Variants in FHIT observed in about 807,000 individuals in gnomAD.
FHIT encodes bis(5'-adenosyl)-triphosphatase.
In FHIT, 19 loss-of-function variants were observed where a neutral mutation model predicts 17.9. That is an observed-to-expected ratio of 1.06 (90% CI 0.74 to 1.56). The LOEUF (loss-of-function observed/expected upper bound fraction) is 1.56, where lower values mean the gene tolerates loss of function less well. Among genes scored for constraint, FHIT ranks in the 40% most tolerant of loss-of-function variants. The probability of loss-of-function intolerance (pLI) is 0.00; values close to 1 mark genes in which losing one functional copy is unlikely to be tolerated. For missense variants in FHIT, 248 were observed against 189.2 expected (o/e 1.31, Z -1.82); for synonymous variants, 81 against 69.7 (o/e 1.16, Z -0.81).
intron 4 of FHIT, among the ~76,000 whole-genome samples, chr3:60,545,535 C>G (rs1173640217): frequency 6.6e-6 from 1 of 152,196 alleles, no homozygotes; most frequent in Non-Finnish European, 1.5e-5. Context: ...AGCTCTATCT[C>G]TCACCTACTG....
chr3:61,033,466 G>GA (rs759001720), intron 3 of FHIT, among the ~76,000 whole-genome samples: 44 of 152,116 alleles, frequency 2.9e-4, no homozygotes, highest in African/African-American at 9.2e-4. Flanking sequence ...TGATTACAGG[G>GA]AAAAAACTAA....
chr3:60,203,046 G>A (rs555657721), intron 5 of FHIT, among the ~76,000 whole-genome samples: 5 of 151,788 alleles, frequency 3.3e-5, no homozygotes, highest in East Asian at 1.9e-4. Flanking sequence ...ACACACACAC[G>A]TGTCTGTAAA....
intron 8 of FHIT, among the ~76,000 whole-genome samples, chr3:59,776,361 T>C (rs976897947): frequency 1.3e-5 from 2 of 152,204 alleles, no homozygotes; most frequent in African/African-American, 4.8e-5. Flanking sequence ...CATCACACTC[T>C]GATTAGGGAC....
At chr3:59,770,911 C>A (rs1262153738) in intron 8 of FHIT, among the ~76,000 whole-genome samples, 1 of 152,202 alleles carries the variant, frequency 6.6e-6, no homozygotes, top group Non-Finnish European at 1.5e-5. Flanking sequence ...AGAATCAATA[C>A]AACAAATCCC....
intron 5 of FHIT, among the ~76,000 whole-genome samples, chr3:60,385,073 G>GA (rs1432605277): frequency 6.6e-6 from 1 of 152,024 alleles, no homozygotes; most frequent in Non-Finnish European, 1.5e-5. Flanking sequence ...CAATTAAGAG[G>GA]AAAAAAATGC....
chr3:60,791,931 A>G (rs891003079), intron 4 of FHIT, among the ~76,000 whole-genome samples: 1 of 152,216 alleles, frequency 6.6e-6, no homozygotes, highest in Non-Finnish European at 1.5e-5. Context: ...AGTGCTTACT[A>G]TTTTATCATA....
Position 60,731,430 on chromosome 3 carries a change from G to A in FHIT, c.-18+90489C>T, listed in dbSNP as rs58157803. Among the ~76,000 whole-genome samples the A allele has an allele frequency of 8.5e-3, 1,293 of 152,238 alleles. 71 individuals are homozygous for A. The East Asian group carries it at 0.14, about 16-fold the overall frequency. On this transcript the variant is annotated intron_variant, in intron 4 of 9. Transcript: ENST00000492590. Reference sequence around the variant, plus strand: ...GGCCAAGTGAGTGACTTGAGAGATCGAGTGCATGGTTTGACCTTTTGACTT... The same window carrying A: ...GGCCAAGTGAGTGACTTGAGAGATCAAGTGCATGGTTTGACCTTTTGACTT...
intron 5 of FHIT, among the ~76,000 whole-genome samples, chr3:60,218,826 T>C (rs1159989205): frequency 6.6e-6 from 1 of 152,104 alleles, no homozygotes; most frequent in Non-Finnish European, 1.5e-5. Flanking sequence ...GAGGTTTGAA[T>C]CCAGGGTCTG....
rs998395305 is a variant in FHIT at position 60,269,222 on chromosome 3, G to C, written c.104-255070C>G. 2.0e-5 allele frequency among the ~76,000 whole-genome samples: 3 copies of C among 152,242 alleles called. No homozygotes were observed. In the East Asian group the frequency reaches 5.8e-4, roughly 29 times the overall value. The stretch of plus-strand genomic sequence containing the variant: ...CAAAGTAAAAAATAAGAACTAAGAA[G>C]AACACCTAAAGGAATAAGTATGAGC... On this transcript the variant is annotated intron_variant, in intron 5 of 9. Transcript: ENST00000492590.
chr3:60,082,247 A>C (rs1817618), intron 5 of FHIT, among the ~76,000 whole-genome samples: 16,317 of 151,730 alleles, frequency 0.11, 1,827 homozygotes, highest in East Asian at 0.53. Context: ...TTCCTGTGTT[A>C]ATTTGCTTAG....
chr3:60,330,953 G>A (rs192854517), intron 5 of FHIT, among the ~76,000 whole-genome samples: 36 of 152,270 alleles, frequency 2.4e-4, no homozygotes, highest in Middle Eastern at 3.4e-3. Flanking sequence ...TTCTTTGAAA[G>A]GCAGCCAGAC....
At chr3:61,188,002 T>C (rs965442622) in intron 2 of FHIT, among the ~76,000 whole-genome samples, 1 of 152,054 alleles carries the variant, frequency 6.6e-6, no homozygotes, top group African/African-American at 2.4e-5. Context: ...ATTGACACCC[T>C]AACATCACAA....
chr3:60,518,320 C>A (rs1282756188), intron 5 of FHIT, among the ~76,000 whole-genome samples: 1 of 152,092 alleles, frequency 6.6e-6, no homozygotes, highest in Non-Finnish European at 1.5e-5. Context: ...GAAAAAGAAG[C>A]AAAGCACCTT....
chr3:60,011,310 A>AT (rs1700128633), intron 7 of FHIT, 61 bp downstream of exon 7: 4 of 1,526,438 alleles, frequency 2.6e-6, no homozygotes, highest in Admixed American at 1.7e-5. Flanking sequence ...ACTCGTTGTG[A>AT]TTTTTTATTA....
At chr3:60,130,990 TACAC>T (rs1305778672) in intron 5 of FHIT, among the ~76,000 whole-genome samples, 1 of 131,146 alleles carries the variant, frequency 7.6e-6, no homozygotes. Context: ...TACACATATA[TACAC>T]ATATATACAT....
At chr3:61,243,017 G>C (rs1196007842) in intron 1 of FHIT, among the ~76,000 whole-genome samples, 1 of 152,124 alleles carries the variant, frequency 6.6e-6, no homozygotes, top group Non-Finnish European at 1.5e-5. Context: ...TAGTCCTAGG[G>C]GGTTTGGGAA....
At chr3:60,285,882 C>G (rs1007477106) in intron 5 of FHIT, among the ~76,000 whole-genome samples, 3 of 152,154 alleles carry the variant, frequency 2.0e-5, no homozygotes, top group African/African-American at 7.2e-5. Context: ...TTTGTCTTTT[C>G]TTTATGCTAG....
intron 1 of FHIT, among the ~76,000 whole-genome samples, chr3:61,239,784 T>TATATATATATATATAC (rs1350286112): frequency 7.2e-6 from 1 of 139,646 alleles, no homozygotes; most frequent in African/African-American, 2.6e-5. Flanking sequence ...TATATATATA[T>TATATATATATATATAC]ACACAAATTC....
chr3:60,333,102 G>A (rs184240109), intron 5 of FHIT, among the ~76,000 whole-genome samples: 7 of 152,286 alleles, frequency 4.6e-5, no homozygotes, highest in Non-Finnish European at 7.4e-5. Flanking sequence ...TACCAGCCAC[G>A]TGTATCTCAC....
Sources: gnomAD v4.1 joint callset for allele counts (sites outside exome capture counted in the v4.1 genomes callset) on GRCh38, gnomAD v4.1.1 for gene constraint, MANE v1.5 for transcripts, NCBI Gene and HGNC (gene_info 2026-07-23, HGNC 2026-07-21) for gene names.